KIF6: variants seen among roughly 807,000 people sequenced by gnomAD.
KIF6 encodes kinesin-like protein KIF6.
In KIF6, 106 loss-of-function variants were observed where a neutral mutation model predicts 112.7. That is an observed-to-expected ratio of 0.94 (90% CI 0.80 to 1.11). The LOEUF is 1.11. KIF6 is among the 50% of genes least tolerant of loss of function. The pLI is 0.00. For synonymous variants in KIF6, 339 were observed against 339.9 expected, an observed-to-expected ratio of 1.00 and a Z score of 0.03; for missense variants, 929 against 964.0, an observed-to-expected ratio of 0.96 and a Z score of 0.48.
At position 39,392,515 on chromosome 6, in the gene KIF6, A is replaced by T. The variant is rs187912010; in HGVS notation, c.1811-6843T>A. 1.1e-4 allele frequency among the ~76,000 whole-genome samples: 16 copies of T among 152,376 alleles called. No homozygotes were observed. In the East Asian group the frequency reaches 2.9e-3, roughly 27 times the overall value. Reference sequence around the variant, plus strand: ...GATACTTAACGAGATTAATGAAGGGATACATTTTCTTTAAAAAGAATAAGA... The same window carrying T: ...GATACTTAACGAGATTAATGAAGGGTTACATTTTCTTTAAAAAGAATAAGA... On this transcript the variant is annotated intron_variant, in intron 15 of 22. Coordinates refer to ENST00000287152, the MANE Select transcript of KIF6 (RefSeq NM_145027.6).
At chr6:39,609,380 T>C (rs879191114) in intron 6 of KIF6, among the ~76,000 whole-genome samples, 7 of 152,162 alleles carry the variant, frequency 4.6e-5, no homozygotes, top group East Asian at 1.9e-4. Context: ...AGATACAGCA[T>C]ATTATTGCTC....
intron 16 of KIF6, 66 bp downstream of exon 16, chr6:39,385,556 G>T: frequency 1.5e-6 from 2 of 1,331,984 alleles, no homozygotes; most frequent in South Asian, 1.2e-5. Context: ...GCTGGGTTTG[G>T]ATTCCTAAAA....
intron 13 of KIF6, among the ~76,000 whole-genome samples, chr6:39,481,678 C>A (rs913659830): frequency 6.6e-6 from 1 of 152,178 alleles, no homozygotes; most frequent in Admixed American, 6.5e-5. Flanking sequence ...CCCCACCCAA[C>A]CAATGCAATT....
Position 39,332,094 on chromosome 6 carries a change from G to A in KIF6, c.*4438C>T, listed in dbSNP as rs1762761228. The A allele has an allele frequency of 6.6e-6, 1 of 151,980 alleles. No homozygotes were observed. The highest frequency in any genetic ancestry group is 6.6e-5 in the Admixed American group (1 of 15,256). 9.4% of individuals were successfully genotyped at this position (151,980 alleles called of 1,614,324 possible). On this transcript the variant is annotated 3_prime_UTR_variant, in exon 23 of 23. Transcript: ENST00000287152. ...TCTGAGTAGCTGGGATTACAGGTAC[G>A]CAACACCATGCCCGGCTATTTTTTG...
intron 13 of KIF6, among the ~76,000 whole-genome samples, chr6:39,433,264 C>G (rs1220130810): frequency 6.6e-6 from 1 of 152,228 alleles, no homozygotes. Context: ...CACACCTTCC[C>G]TGAGGTGCAC....
intron 13 of KIF6, among the ~76,000 whole-genome samples, chr6:39,445,163 A>C (rs1382587381): frequency 6.6e-6 from 1 of 152,220 alleles, no homozygotes; most frequent in Admixed American, 6.5e-5. Context: ...TCCACATTAA[A>C]TAGGTTATAC....
intron 5 of KIF6, among the ~76,000 whole-genome samples, chr6:39,614,293 G>C (rs1783385355): frequency 6.6e-6 from 1 of 152,198 alleles, no homozygotes; most frequent in Admixed American, 6.5e-5. Context: ...TATTGCCAAA[G>C]AGTATCTCAG....
Position 39,431,053 on chromosome 6 carries a change from C to G in KIF6, c.1754G>C (p.Arg585Thr). Residue 585 changes from arginine to threonine, a missense_variant and splice_region_variant, in exon 14 of 23, where the codon AGA becomes ACA. Around this residue, in one of 2 missense-constraint regions of KIF6, gnomAD observed 241 missense variants for 301.4 expected, o/e 0.80. Transcript: ENST00000287152. ...IDDNKQILKQRFSEAKALGES... is the reference protein window; with the variant it reads ...IDDNKQILKQTFSEAKALGES... ...CAGCTGCTCTCTGAGACAGCCTTAC[C>G]TCTGTTTCAGAATCTGTTTGTTGTC... 1.9e-6 allele frequency: 3 copies of G among 1,602,356 alleles called. No homozygotes were observed. Among genetic ancestry groups the G allele is most frequent in the South Asian group, 1.1e-5 (1 of 90,492 alleles).
intron 13 of KIF6, among the ~76,000 whole-genome samples, chr6:39,449,654 G>C (rs17352709): frequency 0.022 from 3,381 of 152,234 alleles, 67 homozygotes; most frequent in Non-Finnish European, 0.029. Context: ...CTCCTCAGAG[G>C]CTAACCTGTC....
intron 10 of KIF6, among the ~76,000 whole-genome samples, chr6:39,563,240 AAAAAG>A (rs1222583237): frequency 1.3e-5 from 2 of 152,206 alleles, no homozygotes; most frequent in Non-Finnish European, 2.9e-5. Context: ...GCCCTGCTGC[AAAAAG>A]AAAAGAAAAT....
At chr6:39,693,541 C>G (rs1788346987) in intron 3 of KIF6, among the ~76,000 whole-genome samples, 1 of 152,122 alleles carries the variant, frequency 6.6e-6, no homozygotes, top group Non-Finnish European at 1.5e-5. Context: ...ATGAACATCT[C>G]TATGCACATA....
Position 39,430,265 on chromosome 6 carries a change from C to T in KIF6, c.1754+788G>A, listed in dbSNP as rs185343126. The stretch of plus-strand genomic sequence containing the variant: ...TTAGGCCTCAGCACTGCCACATGTT[C>T]TCCTGAGAGCTCATCTACTTCTTAG... On this transcript the variant is annotated intron_variant, in intron 14 of 22. Coordinates refer to ENST00000287152, the MANE Select transcript of KIF6 (RefSeq NM_145027.6). Among the ~76,000 whole-genome samples the T allele has an allele frequency of 3.3e-3, 510 of 152,244 alleles. 3 individuals carry two copies. The highest frequency in any genetic ancestry group is 5.7e-3 in the Non-Finnish European group (390 of 68,018).
chr6:39,664,497 G>A (rs1786341781), intron 3 of KIF6, among the ~76,000 whole-genome samples: 1 of 152,130 alleles, frequency 6.6e-6, no homozygotes, highest in Admixed American at 6.6e-5. Context: ...AATATACAGT[G>A]TTTTTCATGA....
chr6:39,429,447 A>T (rs1770982072), intron 14 of KIF6, among the ~76,000 whole-genome samples: 3 of 152,026 alleles, frequency 2.0e-5, no homozygotes, highest in African/African-American at 7.2e-5. Flanking sequence ...CTGAGCTTTT[A>T]TTCCCTACCT....
At chr6:39,436,312 TTGTC>T (rs1481245617) in intron 13 of KIF6, among the ~76,000 whole-genome samples, 5 of 152,202 alleles carry the variant, frequency 3.3e-5, no homozygotes, top group Admixed American at 1.3e-4. Flanking sequence ...ATTCTGTAGG[TTGTC>T]TGTTTACTCT....
At chr6:39,664,738 C>T (rs1374615423) in intron 3 of KIF6, among the ~76,000 whole-genome samples, 1 of 151,930 alleles carries the variant, frequency 6.6e-6, no homozygotes, top group African/African-American at 2.4e-5. Flanking sequence ...TTGAATAAAT[C>T]ATTTGTTCCC....
intron 13 of KIF6, among the ~76,000 whole-genome samples, chr6:39,507,856 T>G (rs1222188000): frequency 6.6e-6 from 1 of 151,194 alleles, no homozygotes; most frequent in Non-Finnish European, 1.5e-5. Context: ...GAAACTCTTC[T>G]TTTTCTTTCT....
At chr6:39,490,304 A>G (rs966913762) in intron 13 of KIF6, among the ~76,000 whole-genome samples, 4 of 152,234 alleles carry the variant, frequency 2.6e-5, no homozygotes, top group African/African-American at 9.6e-5. Context: ...AGCAGAATGG[A>G]TTGTGAAATC....
intron 3 of KIF6, among the ~76,000 whole-genome samples, chr6:39,674,233 C>T (rs1385707102): frequency 6.6e-6 from 1 of 152,078 alleles, no homozygotes; most frequent in Non-Finnish European, 1.5e-5. Flanking sequence ...ATGGAAAAAT[C>T]AGCCTTGTGA....
Sources: gnomAD v4.1 joint callset for allele counts (sites outside exome capture counted in the v4.1 genomes callset) on GRCh38, gnomAD v4.1.1 for gene constraint, gnomAD v4.1.1 regional missense constraint, MANE v1.5 for transcripts, NCBI Gene and HGNC (gene_info 2026-07-23, HGNC 2026-07-21) for gene names.